The following ABCG2 variants were observed in gnomAD, a reference collection of about 807,000 sequenced individuals.
ABCG2 encodes the protein broad substrate specificity ATP-binding cassette transporter ABCG2.
Under a neutral mutation model 73.5 loss-of-function variants are expected in ABCG2, and 80 were observed. The ratio of observed to expected loss-of-function variants is 1.09; its 90% CI spans 0.91 to 1.31. The LOEUF (loss-of-function observed/expected upper bound fraction) is 1.31. Among genes scored for constraint, ABCG2 ranks in the 50% most tolerant of loss-of-function variants. ABCG2 has a pLI of 0.00. For synonymous variants in ABCG2, 269 were observed against 282.4 expected (o/e 0.95, Z 0.48); for missense variants, 796 against 786.2 (o/e 1.01, Z -0.15).
In ABCG2 at chr4:88,115,062, T is replaced by C. The variant is rs1343843980; in HGVS notation, c.842-4A>G. 1 of 1,599,006 alleles carries C rather than the reference T, an allele frequency of 6.3e-7. No individual in the cohort carries two copies. The highest frequency in any genetic ancestry group is 8.6e-7 in the Non-Finnish European group (1 of 1,168,386). On this transcript the variant is annotated splice_polypyrimidine_tract_variant and splice_region_variant and intron_variant, in intron 7 of 15. Coordinates refer to ENST00000237612, the MANE Select transcript of ABCG2 (RefSeq NM_004827.3). ...TTATAGGCCTCACAGTGATAACCTATGAAAGAAGGCAGCTCAAAAACACAA... is the reference window on the plus strand; with the variant it reads ...TTATAGGCCTCACAGTGATAACCTACGAAAGAAGGCAGCTCAAAAACACAA...
intron 1 of ABCG2, among the ~76,000 whole-genome samples, chr4:88,168,554 T>G (rs1184599814): frequency 1.3e-5 from 2 of 150,390 alleles, no homozygotes; most frequent in Admixed American, 6.6e-5. Flanking sequence ...AAAATTAGAC[T>G]GCAGTGAAAA....
chr4:88,158,304 T>C (rs1727089699), intron 1 of ABCG2, 82 bp downstream of exon 1: 1 of 326,540 alleles, frequency 3.1e-6, no homozygotes, highest in Non-Finnish European at 6.0e-6. Flanking sequence ...CGGTTACCGA[T>C]TTTCTAACAA....
chr4:88,092,172 A>T lies in ABCG2; in HGVS notation c.*62T>A, dbSNP rs555638039. On this transcript the variant is annotated 3_prime_UTR_variant, in exon 16 of 16. Coordinates refer to ENST00000237612, the MANE Select transcript of ABCG2 (RefSeq NM_004827.3). ...GAAAACAACAAAAAAACTTGATTGA[A>T]TACTTCAATCAAAGTGCTTCTTTTT... The T allele has an allele frequency of 6.8e-7, 1 of 1,471,280 alleles. No homozygotes were observed. The highest frequency in any genetic ancestry group is 2.4e-5 in the East Asian group (1 of 42,280). The allele number at this position is 1,471,280 out of a possible 1,614,324, so 91.1% of individuals were successfully genotyped here. A position where few individuals can be genotyped will look rare whatever the true frequency, so the allele number is the denominator to read the frequency against.
At chr4:88,175,018 G>C (rs1487519545) in intron 1 of ABCG2, among the ~76,000 whole-genome samples, 5 of 152,110 alleles carry the variant, frequency 3.3e-5, no homozygotes, top group Non-Finnish European at 7.4e-5. Flanking sequence ...TGTCAGGTTT[G>C]TGGTGTTCTT....
chr4:88,152,868 G>A (rs534601109), intron 1 of ABCG2, among the ~76,000 whole-genome samples: 154 of 152,262 alleles, frequency 1.0e-3, no homozygotes, highest in Non-Finnish European at 1.8e-3. Context: ...TAGGGGCGGC[G>A]TGGGAACCTA....
At chr4:88,229,168 G>A (rs1001320213) in intron 1 of ABCG2, among the ~76,000 whole-genome samples, 15 of 152,180 alleles carry the variant, frequency 9.9e-5, no homozygotes, top group Non-Finnish European at 1.6e-4. Flanking sequence ...CACTTGCTGC[G>A]AAGGTTTGCA....
intron 1 of ABCG2, among the ~76,000 whole-genome samples, chr4:88,177,934 C>A (rs1560739583): frequency 6.6e-6 from 1 of 152,152 alleles, no homozygotes; most frequent in Non-Finnish European, 1.5e-5. Context: ...TTCCAGCAAG[C>A]CTTATCACCG....
chr4:88,178,994 AC>A lies in ABCG2; in HGVS notation c.-19-38981del, dbSNP rs145088189. Among the ~76,000 whole-genome samples, 25 of 152,238 alleles carry A rather than the reference AC, an allele frequency of 1.6e-4. No individual in the cohort carries two copies. In the East Asian group the frequency reaches 4.3e-3, roughly 26 times the overall value. On this transcript the variant is annotated intron_variant, in intron 1 of 15. Coordinates refer to the ABCG2 transcript ENST00000515655. ...TTGCTGCCCTGAAGGGAAGGACACA[AC>A]CTGGCTGACTTCACCACCTGCTGAT...
intron 1 of ABCG2, among the ~76,000 whole-genome samples, chr4:88,156,786 G>A (rs1051439284): frequency 1.3e-5 from 2 of 152,166 alleles, no homozygotes; most frequent in East Asian, 3.8e-4. Flanking sequence ...AGGGAATCTG[G>A]CAAACAGATT....
chr4:88,159,080 G>T, upstream of ABCG2: 1 of 454,960 alleles, frequency 2.2e-6, no homozygotes, highest in Non-Finnish European at 4.4e-6. Context: ...CCCTCCCTCG[G>T]GGCTAGGGTC....
intron 1 of ABCG2, among the ~76,000 whole-genome samples, chr4:88,152,950 A>T (rs1043832480): frequency 1.3e-5 from 2 of 152,088 alleles, no homozygotes; most frequent in East Asian, 1.9e-4. Context: ...AGAAGAAACA[A>T]TTGTCCTATA....
At chr4:88,170,793 T>C (rs946940661) in intron 1 of ABCG2, among the ~76,000 whole-genome samples, 23 of 152,382 alleles carry the variant, frequency 1.5e-4, no homozygotes, top group African/African-American at 5.3e-4. Context: ...CCGGCTCCTC[T>C]TTCAGTTATA....
At chr4:88,225,209 T>C (rs1560467692) in intron 1 of ABCG2, among the ~76,000 whole-genome samples, 2 of 152,214 alleles carry the variant, frequency 1.3e-5, no homozygotes, top group Non-Finnish European at 2.9e-5. Flanking sequence ...ACAGGCTGTA[T>C]TGTATGGGCT....
chr4:88,092,219 G>A lies in ABCG2; in HGVS notation c.*15C>T, dbSNP rs772440727. The A allele has an allele frequency of 6.3e-7, 1 of 1,593,346 alleles. No individual in the cohort carries two copies. Among genetic ancestry groups the A allele is most frequent in the Non-Finnish European group, 8.6e-7 (1 of 1,166,024 alleles). ...TTTTTATGTGAGGATAAATCATACT[G>A]AATTAAGGGGAAATTTAAGAATATT... On this transcript the variant is annotated 3_prime_UTR_variant, in exon 16 of 16. Coordinates refer to ENST00000237612, the MANE Select transcript of ABCG2 (RefSeq NM_004827.3).
intron 1 of ABCG2, among the ~76,000 whole-genome samples, chr4:88,145,969 G>A (rs1725969074): frequency 6.6e-6 from 1 of 152,034 alleles, no homozygotes; most frequent in South Asian, 2.1e-4. Flanking sequence ...GCTGTGTGGA[G>A]AACAACAGGA....
chr4:88,124,395 C>T (rs953777051), intron 5 of ABCG2, among the ~76,000 whole-genome samples: 2 of 152,148 alleles, frequency 1.3e-5, no homozygotes, highest in Non-Finnish European at 2.9e-5. Context: ...CAAGACCCAT[C>T]GGTGTGCTGT....
At chr4:88,132,682 G>T in intron 2 of ABCG2, 47 bp from the exon 3 acceptor site, 3 of 1,600,652 alleles carry the variant, frequency 1.9e-6, no homozygotes, top group East Asian at 2.2e-5. Flanking sequence ...TTTAAGTCAG[G>T]TTCTATTAAT....
At chr4:88,118,738 A>G (rs1013122443) in intron 6 of ABCG2, among the ~76,000 whole-genome samples, 1 of 152,232 alleles carries the variant, frequency 6.6e-6, no homozygotes, top group Non-Finnish European at 1.5e-5. Context: ...TAATGCAATT[A>G]ACATAACTGA....
rs201155332 is a variant in ABCG2 at position 88,182,950 on chromosome 4, C to A, written c.-19-42936G>T. ...AATACAAAAAATTAGCTGGGCATGG[C>A]GGCGGGCACCTGTAGTCCCAGCTAC... On this transcript the variant is annotated intron_variant, in intron 1 of 15. Coordinates refer to the ABCG2 transcript ENST00000515655. Among the ~76,000 whole-genome samples the A allele has an allele frequency of 9.2e-5, 14 of 151,556 alleles. No homozygotes were observed. The East Asian group carries it at 2.7e-3, about 29-fold the overall frequency.
Sources: allele counts gnomAD v4.1 joint callset (sites outside exome capture counted in the v4.1 genomes callset), GRCh38; gene constraint gnomAD v4.1.1; transcripts MANE v1.5; gene names NCBI Gene and HGNC (gene_info 2026-07-23, HGNC 2026-07-21).